The following SVIL variants were observed in gnomAD, a reference collection of about 807,000 sequenced individuals.
SVIL encodes the protein supervillin, also known as archvillin.
In SVIL, 101 loss-of-function variants were observed where a neutral mutation model predicts 240.4. The ratio of observed to expected loss-of-function variants is 0.42; its 90% CI spans 0.36 to 0.50. The LOEUF (loss-of-function observed/expected upper bound fraction) is 0.50, where lower values mean the gene tolerates loss of function less well. Among genes scored for constraint, SVIL ranks in the 20% least tolerant of loss-of-function variants. The pLI is 0.01. For missense variants in SVIL, 2,512 were observed against 2,818.7 expected (o/e 0.89, Z 2.46); for synonymous variants, 999 against 1,100.0 (o/e 0.91, Z 1.82).
chr10:29,542,081 G>A (rs1346979607), intron 6 of SVIL, among the ~76,000 whole-genome samples: 4 of 152,136 alleles, frequency 2.6e-5, no homozygotes, highest in Admixed American at 1.3e-4. Flanking sequence ...TTCAGCTGAC[G>A]TTTTCTTCAC....
intron 1 of SVIL, among the ~76,000 whole-genome samples, chr10:29,697,022 T>A (rs1962114892): frequency 8.1e-6 from 1 of 122,928 alleles, no homozygotes; most frequent in Admixed American, 8.0e-5. Flanking sequence ...GGTGGGGGGC[T>A]CAGCCCCCCG....
In SVIL at chr10:29,487,111, C is replaced by T. The variant is rs185766701; in HGVS notation, c.4485+52G>A. The T allele has an allele frequency of 1.2e-4, 194 of 1,594,708 alleles. 1 individual carries two copies. The African/African-American group carries it at 2.0e-3, about 17-fold the overall frequency. The stretch of plus-strand genomic sequence containing the variant: ...ACTGACGTCAGGAAGAACACTCCTC[C>T]GGTGCGTAAAGGAGATGTTAGCTAA... On this transcript the variant is annotated intron_variant, in intron 24 of 37. Transcript: ENST00000355867.
intron 17 of SVIL, among the ~76,000 whole-genome samples, chr10:29,510,276 A>C (rs1039634226): frequency 4.7e-4 from 71 of 152,230 alleles, no homozygotes; most frequent in African/African-American, 1.7e-3. Flanking sequence ...AGACCAATCC[A>C]TTGACAGAAA....
intron 7 of SVIL, 39 bp from the exon 8 acceptor site, chr10:29,533,497 T>G (rs982541320): frequency 2.7e-5 from 43 of 1,577,986 alleles, no homozygotes; most frequent in Non-Finnish European, 3.4e-5. Flanking sequence ...CAAAGTGCAG[T>G]AACGGCCTCA....
chr10:29,586,136 G>A (rs1250351567), intron 1 of SVIL, among the ~76,000 whole-genome samples: 2 of 152,142 alleles, frequency 1.3e-5, no homozygotes, highest in Non-Finnish European at 1.5e-5. Context: ...CGGTCCCCGT[G>A]GATGCTCGGC....
At chr10:29,674,688 C>G (rs866067134) in intron 2 of SVIL, among the ~76,000 whole-genome samples, 1 of 152,132 alleles carries the variant, frequency 6.6e-6, no homozygotes, top group Non-Finnish European at 1.5e-5. Context: ...AACACAAATT[C>G]TTATTTATAG....
At chr10:29,686,795 T>C (rs1319287747) in intron 1 of SVIL, 1 of 152,184 alleles carries the variant, frequency 6.6e-6, no homozygotes, top group Non-Finnish European at 1.5e-5. Context: ...ATTCCTCACT[T>C]CCATATGACC....
chr10:29,472,122 CAAATAA>C (rs937436378), intron 30 of SVIL, among the ~76,000 whole-genome samples: 17 of 151,954 alleles, frequency 1.1e-4, no homozygotes, highest in Non-Finnish European at 2.4e-4. Flanking sequence ...AAAAATGATA[CAAATAA>C]AAATAAAATG....
At chr10:29,682,040 C>T (rs1194988926) in intron 2 of SVIL, among the ~76,000 whole-genome samples, 1 of 152,120 alleles carries the variant, frequency 6.6e-6, no homozygotes, top group Non-Finnish European at 1.5e-5. Flanking sequence ...CAGAGAGTTT[C>T]CTGGGAGGGG....
intron 33 of SVIL, among the ~76,000 whole-genome samples, chr10:29,466,062 C>T (rs146903459): frequency 6.6e-6 from 1 of 151,904 alleles, no homozygotes; most frequent in African/African-American, 2.4e-5. Flanking sequence ...AAGGGACATA[C>T]ATAAGGAAAA....
chr10:29,634,152 T>C (rs1958219447), intron 1 of SVIL, among the ~76,000 whole-genome samples: 2 of 151,948 alleles, frequency 1.3e-5, no homozygotes, highest in African/African-American at 4.8e-5. Context: ...ATTAATCAAA[T>C]TTTTAGTATT....
chr10:29,498,381 G>A (rs1279290453), intron 18 of SVIL, among the ~76,000 whole-genome samples: 1 of 152,108 alleles, frequency 6.6e-6, no homozygotes, highest in Non-Finnish European at 1.5e-5. Flanking sequence ...TCACACCATT[G>A]CACTCCAGCC....
intron 1 of SVIL, among the ~76,000 whole-genome samples, chr10:29,717,090 G>A (rs867767858): frequency 2.6e-5 from 4 of 151,900 alleles, no homozygotes; most frequent in East Asian, 3.9e-4. Flanking sequence ...AAAATTAGCC[G>A]GGCGTGGTGG....
Position 29,471,080 on chromosome 10 carries a change from A to G in SVIL, c.5635+58T>C, listed in dbSNP as rs1237150074. 3 of 1,490,128 alleles carry G rather than the reference A, an allele frequency of 2.0e-6. No individual in the cohort carries two copies. In the African/African-American group the frequency reaches 4.2e-5, roughly 21 times the overall value. The allele number at this position is 1,490,128 out of a possible 1,614,324, so 92.3% of individuals were successfully genotyped here. ...CTCACTTTCAGCCCCCAGCTTATAA[A>G]AATTCTTTCCAAGAGAGGGAAAGGC... On this transcript the variant is annotated intron_variant, in intron 31 of 37. Coordinates refer to ENST00000355867, the MANE Select transcript of SVIL (RefSeq NM_021738.3).
chr10:29,512,944 G>A (rs1447383745), intron 16 of SVIL, 83 bp from the exon 17 acceptor site: 5 of 1,533,816 alleles, frequency 3.3e-6, no homozygotes, highest in East Asian at 2.3e-5. Flanking sequence ...TAAGAGAGGC[G>A]GCTTGGGCCA....
intron 8 of SVIL, 145 bp downstream of exon 8, chr10:29,532,384 G>T: frequency 7.2e-7 from 1 of 1,382,992 alleles, no homozygotes; most frequent in Non-Finnish European, 9.6e-7. Context: ...TAGTTTTTGA[G>T]CCATTTTCCG....
chr10:29,657,750 A>G (rs926973600), intron 3 of SVIL: 2 of 152,210 alleles, frequency 1.3e-5, no homozygotes, highest in African/African-American at 4.8e-5. Context: ...AGGAAAAATG[A>G]AGACATTTCC....
At position 29,532,102 on chromosome 10, in the gene SVIL, G is replaced by A. The variant is rs531587959; in HGVS notation, c.1909C>T (p.Arg637Trp). 1.2e-5 allele frequency: 20 copies of A among 1,613,908 alleles called. No individual in the cohort carries two copies. The highest frequency in any genetic ancestry group is 2.2e-5 in the South Asian group (2 of 91,076). Residue 637 changes from arginine to tryptophan, a missense_variant, in exon 9 of 38, where the codon CGG becomes TGG. Transcript: ENST00000355867. ...PTGVERERGS[R>W]KPRRYFSPGE... ...GGAGAAAAATAGCGTCTTGGTTTCC[G>A]GGACCCTCTCTCCCGTTCCACACCG...
chr10:29,465,754 T>C lies in SVIL; in HGVS notation c.5978-4A>G. On this transcript the variant is annotated splice_region_variant and splice_polypyrimidine_tract_variant and intron_variant, in intron 33 of 37. Coordinates refer to ENST00000355867, the MANE Select transcript of SVIL (RefSeq NM_021738.3). ...GCGAAGTTAAAACTTCCAGGATCTTTGAAAGAAAAGAGAACAAAGCTGAAG... is the reference window on the plus strand; with the variant it reads ...GCGAAGTTAAAACTTCCAGGATCTTCGAAAGAAAAGAGAACAAAGCTGAAG... 6.2e-7 allele frequency: 1 copy of C among 1,611,510 alleles called. No homozygotes were observed. The highest frequency in any genetic ancestry group is 8.5e-7 in the Non-Finnish European group (1 of 1,179,650).
Sources: allele counts gnomAD v4.1 joint callset (sites outside exome capture counted in the v4.1 genomes callset), GRCh38; gene constraint gnomAD v4.1.1; transcripts MANE v1.5; gene names NCBI Gene and HGNC (gene_info 2026-07-23, HGNC 2026-07-21).